The following CALN1 variants were observed in gnomAD, a reference collection of about 807,000 sequenced individuals.
CALN1 encodes the protein calcium-binding protein 8.
Under a neutral mutation model 30.6 loss-of-function variants are expected in CALN1, and 17 were observed. That is an observed-to-expected ratio of 0.56 (90% CI 0.38 to 0.83). The LOEUF (loss-of-function observed/expected upper bound fraction) is 0.83, where lower values mean the gene tolerates loss of function less well. Ranked by LOEUF, CALN1 falls within the 40% of genes least tolerant of loss-of-function variation. The pLI is 0.00. For synonymous variants in CALN1, 156 were observed against 131.4 expected, an observed-to-expected ratio of 1.19 and a Z score of -1.28; for missense variants, 291 against 354.9, an observed-to-expected ratio of 0.82 and a Z score of 1.45.
intron 4 of CALN1, among the ~76,000 whole-genome samples, chr7:72,082,624 A>G (rs553347496): frequency 6.6e-6 from 1 of 152,330 alleles, no homozygotes; most frequent in South Asian, 2.1e-4. Flanking sequence ...TATAAAGCAT[A>G]AAGACATCTG....
rs1476664168 is a variant in CALN1 at position 71,799,419 on chromosome 7, CTTTTTA to C, written c.658+10911_658+10916del. On this transcript the variant is annotated intron_variant, in intron 6 of 6. Coordinates refer to ENST00000395275, the MANE Select transcript of CALN1 (RefSeq NM_031468.4). ...ATTTACACAAAACAGCTCTCTGGGT[CTTTTTA>C]TTTATTTATTTATTTATTTATTTAT... 9.4e-5 allele frequency among the ~76,000 whole-genome samples: 13 copies of C among 137,820 alleles called. No homozygotes were observed. The East Asian group carries it at 3.0e-3, about 31-fold the overall frequency. The allele number at this position is 137,820 out of a possible 152,430, so 90.4% of individuals were successfully genotyped here.
At chr7:72,502,352 C>T in the CALN1 span, among the ~76,000 whole-genome samples, 1 of 149,638 alleles carries the variant, frequency 6.7e-6, no homozygotes, top group Non-Finnish European at 1.5e-5. Flanking sequence ...GCACTTTGAC[C>T]TGTCTTTCAA....
At chr7:72,401,890 C>A (rs572258167) in intron 2 of CALN1, among the ~76,000 whole-genome samples, 1 of 152,160 alleles carries the variant, frequency 6.6e-6, no homozygotes, top group Non-Finnish European at 1.5e-5. Flanking sequence ...TTCTTACCTC[C>A]TTTTCTCAAC....
intron 4 of CALN1, among the ~76,000 whole-genome samples, chr7:72,027,745 ACACACACACACAC>A (rs1801165143): frequency 6.7e-6 from 1 of 149,824 alleles, no homozygotes; most frequent in African/African-American, 2.5e-5. Context: ...ACACACACAC[ACACACACACACAC>A]AAAAACACAT....
chr7:72,205,551 A>AAATATATACATATATATATATATAT, intron 3 of CALN1, among the ~76,000 whole-genome samples: 1,394 of 82,662 alleles, frequency 0.017, 206 homozygotes, highest in East Asian at 0.056. Flanking sequence ...GCAAAAAAAA[A>AAATATATACATATATATATATATAT]ATATATATAT....
chr7:71,999,025 G>C (rs1389903366), intron 5 of CALN1, among the ~76,000 whole-genome samples: 1 of 152,110 alleles, frequency 6.6e-6, no homozygotes, highest in East Asian at 1.9e-4. Flanking sequence ...AATGGTCTAA[G>C]TACACCAATA....
At chr7:72,052,062 TA>T (rs1802869750) in intron 4 of CALN1, among the ~76,000 whole-genome samples, 2 of 152,142 alleles carry the variant, frequency 1.3e-5, no homozygotes. Flanking sequence ...GAAAGATGAC[TA>T]AAGGAATTCA....
intron 3 of CALN1, among the ~76,000 whole-genome samples, chr7:72,109,828 C>T (rs954956423): frequency 6.6e-6 from 1 of 152,246 alleles, no homozygotes; most frequent in African/African-American, 2.4e-5. Flanking sequence ...GCCAGCTCTG[C>T]TCTGCAAGCT....
chr7:72,059,704 T>C (rs1362204365), intron 4 of CALN1, among the ~76,000 whole-genome samples: 1 of 152,140 alleles, frequency 6.6e-6, no homozygotes, highest in Non-Finnish European at 1.5e-5. Context: ...CAGCATTCAC[T>C]CAGTATTTTA....
At chr7:72,149,746 A>G (rs747499079) in intron 3 of CALN1, among the ~76,000 whole-genome samples, 2 of 151,860 alleles carry the variant, frequency 1.3e-5, no homozygotes, top group Admixed American at 6.6e-5. Context: ...TTTTGCAAAA[A>G]CTCATTACCA....
At chr7:72,072,546 A>G (rs1295471051) in intron 4 of CALN1, among the ~76,000 whole-genome samples, 1 of 152,244 alleles carries the variant, frequency 6.6e-6, no homozygotes, top group Non-Finnish European at 1.5e-5. Context: ...AGGACACTAG[A>G]CAGTAACTTG....
chr7:72,035,162 G>T (rs1320389715), intron 4 of CALN1, among the ~76,000 whole-genome samples: 1 of 152,006 alleles, frequency 6.6e-6, no homozygotes, highest in East Asian at 1.9e-4. Context: ...AGGTGTGCAG[G>T]TCTAGTATTA....
At position 72,273,446 on chromosome 7, in the gene CALN1, G is replaced by A. The variant is rs1236881303; in HGVS notation, c.244+5240C>T. On this transcript the variant is annotated intron_variant, in intron 3 of 6. Coordinates refer to ENST00000395275, the MANE Select transcript of CALN1 (RefSeq NM_031468.4). ...CAAAAAAAAAAAAAAAGCGGCGGGC[G>A]GGGGCGGTGGGGAATATTATCTCAG... Among the ~76,000 whole-genome samples, 12 of 149,126 alleles carry A rather than the reference G, an allele frequency of 8.0e-5. 1 individual carries two copies. The South Asian group carries it at 1.1e-3, about 13-fold the overall frequency.
At chr7:72,017,505 C>T (rs778210781) in intron 5 of CALN1, among the ~76,000 whole-genome samples, 7 of 152,156 alleles carry the variant, frequency 4.6e-5, no homozygotes, top group African/African-American at 7.2e-5. Flanking sequence ...ACATTGCACA[C>T]AGCTGTGGGA....
intron 5 of CALN1, among the ~76,000 whole-genome samples, chr7:71,823,141 T>G (rs1193690120): frequency 6.6e-6 from 1 of 152,098 alleles, no homozygotes; most frequent in Non-Finnish European, 1.5e-5. Flanking sequence ...CCCTCAAAGT[T>G]GTTGAAGCTT....
chr7:72,010,856 G>A (rs534808690), intron 5 of CALN1, among the ~76,000 whole-genome samples: 37 of 149,800 alleles, frequency 2.5e-4, no homozygotes, highest in East Asian at 6.0e-4. Flanking sequence ...AAAAGAAAAG[G>A]AAAGGAAAGG....
At chr7:72,348,729 C>T (rs556658749) in intron 2 of CALN1, among the ~76,000 whole-genome samples, 1 of 152,276 alleles carries the variant, frequency 6.6e-6, no homozygotes, top group Non-Finnish European at 1.5e-5. Flanking sequence ...AATAAACTAG[C>T]TCTAGAATAA....
chr7:72,492,787 C>T, the CALN1 span, among the ~76,000 whole-genome samples: 51 of 152,296 alleles, frequency 3.3e-4, no homozygotes, highest in African/African-American at 1.1e-3. Flanking sequence ...CACTGGCTGC[C>T]GAGCACCGGA....
intron 2 of CALN1, among the ~76,000 whole-genome samples, chr7:72,339,090 G>C (rs1039985857): frequency 1.3e-5 from 2 of 151,798 alleles, no homozygotes; most frequent in Non-Finnish European, 2.9e-5. Flanking sequence ...TCTGTGCCGG[G>C]TTTATTTTAC....
Sources: gnomAD v4.1 joint callset for allele counts (sites outside exome capture counted in the v4.1 genomes callset) on GRCh38, gnomAD v4.1.1 for gene constraint, MANE v1.5 for transcripts, NCBI Gene and HGNC (gene_info 2026-07-23, HGNC 2026-07-21) for gene names.